Variants in SV2C observed in about 807,000 individuals in gnomAD.
The protein encoded by SV2C is solute carrier family 22 member B3.
Under a neutral mutation model 79.7 loss-of-function variants are expected in SV2C, and 49 were observed. The observed-to-expected ratio is 0.61, with a 90% CI of 0.49 to 0.78. The LOEUF is 0.78. SV2C is among the 30% of genes least tolerant of loss of function. The pLI, the probability that SV2C is intolerant of heterozygous loss-of-function variation, is 0.00. For missense variants in SV2C, 833 were observed against 912.9 expected, an observed-to-expected ratio of 0.91 and a Z score of 1.13; for synonymous variants, 334 against 333.2, an observed-to-expected ratio of 1.00 and a Z score of -0.03.
At chr5:75,871,243 C>CT in the SV2C span, among the ~76,000 whole-genome samples, 1 of 151,950 alleles carries the variant, frequency 6.6e-6, no homozygotes, top group African/African-American at 2.4e-5. Context: ...TGAAATGAGG[C>CT]TTTTTTCAAA....
At chr5:75,941,084 C>A in the SV2C span, among the ~76,000 whole-genome samples, 5 of 152,128 alleles carry the variant, frequency 3.3e-5, no homozygotes, top group African/African-American at 1.2e-4. Flanking sequence ...CAAATTTCTT[C>A]ATGAATGATC....
intron 12 of SV2C, among the ~76,000 whole-genome samples, chr5:76,351,019 A>AT (rs984909105): frequency 3.3e-5 from 5 of 151,810 alleles, no homozygotes; most frequent in Non-Finnish European, 7.4e-5. Flanking sequence ...TCTCAAAAAA[A>AT]AAAAAAAATT....
chr5:75,963,956 T>C, the SV2C span, among the ~76,000 whole-genome samples: 1 of 152,288 alleles, frequency 6.6e-6, no homozygotes, highest in Non-Finnish European at 1.5e-5. Context: ...ATATTTTTAG[T>C]TTTCAGGAAG....
chr5:75,958,945 A>G, the SV2C span, among the ~76,000 whole-genome samples: 1 of 151,958 alleles, frequency 6.6e-6, no homozygotes, highest in Non-Finnish European at 1.5e-5. Context: ...TAGGTGGTCT[A>G]GTAGTTCACT....
chr5:76,226,871 G>T (rs565913013), intron 4 of SV2C, among the ~76,000 whole-genome samples: 1 of 152,318 alleles, frequency 6.6e-6, no homozygotes. Context: ...AGAAAGGCAG[G>T]TGGGATGCCC....
chr5:75,939,365 G>T, the SV2C span, among the ~76,000 whole-genome samples: 1 of 152,032 alleles, frequency 6.6e-6, no homozygotes, highest in Admixed American at 6.6e-5. Flanking sequence ...TGGCAGACAG[G>T]GGAGAGGGAG....
intron 4 of SV2C, among the ~76,000 whole-genome samples, chr5:76,244,248 G>C (rs1257097632): frequency 6.6e-6 from 1 of 152,190 alleles, no homozygotes; most frequent in African/African-American, 2.4e-5. Context: ...AAGTATTTCT[G>C]GTGTGGATTG....
intron 2 of SV2C, among the ~76,000 whole-genome samples, chr5:76,180,850 T>C (rs1179579181): frequency 1.3e-5 from 2 of 152,222 alleles, no homozygotes; most frequent in African/African-American, 4.8e-5. Flanking sequence ...TATTTCCTTG[T>C]CCACACTTTC....
chr5:76,190,072 T>C (rs376597864), intron 2 of SV2C, among the ~76,000 whole-genome samples: 2 of 151,780 alleles, frequency 1.3e-5, no homozygotes, highest in South Asian at 2.1e-4. Context: ...GATGGGTGAG[T>C]GAAAGGAAAA....
the SV2C span, among the ~76,000 whole-genome samples, chr5:76,033,543 A>G: frequency 6.6e-6 from 1 of 152,212 alleles, no homozygotes; most frequent in East Asian, 1.9e-4. Context: ...GGTTTGTCAA[A>G]GATCAGATAG....
At chr5:76,001,608 G>T in the SV2C span, among the ~76,000 whole-genome samples, 1 of 151,642 alleles carries the variant, frequency 6.6e-6, no homozygotes, top group African/African-American at 2.4e-5. Flanking sequence ...AAAATCTTTT[G>T]TCCAGTTCAG....
chr5:76,065,767 C>T, the SV2C span, among the ~76,000 whole-genome samples: 2 of 152,134 alleles, frequency 1.3e-5, no homozygotes. Flanking sequence ...CAAACAGGTA[C>T]ACCATAATAT....
chr5:76,204,533 C>T (rs1744551704), intron 3 of SV2C, among the ~76,000 whole-genome samples: 4 of 152,138 alleles, frequency 2.6e-5, no homozygotes, highest in Admixed American at 2.6e-4. Context: ...AGGTAAAGGG[C>T]TGCTTGACAA....
the SV2C span, among the ~76,000 whole-genome samples, chr5:75,871,165 C>CA: frequency 6.6e-6 from 1 of 152,000 alleles, no homozygotes; most frequent in South Asian, 2.1e-4. Flanking sequence ...TAGATAGATG[C>CA]AAAAAAGACA....
intron 2 of SV2C, among the ~76,000 whole-genome samples, chr5:76,171,792 C>T (rs1283700382): frequency 4.9e-5 from 6 of 123,684 alleles, no homozygotes; most frequent in Non-Finnish European, 7.2e-5. Context: ...CCAGCCGCCC[C>T]GTCCGGGAGG....
At chr5:76,314,468 T>C (rs533139669) in intron 12 of SV2C, among the ~76,000 whole-genome samples, 1 of 149,760 alleles carries the variant, frequency 6.7e-6, no homozygotes, top group South Asian at 2.1e-4. Context: ...AGCACTGATC[T>C]AGGGGTCACT....
chr5:76,001,897 C>T, the SV2C span, among the ~76,000 whole-genome samples: 1 of 152,094 alleles, frequency 6.6e-6, no homozygotes, highest in Non-Finnish European at 1.5e-5. Context: ...GTACACCCGT[C>T]ACCTGAGCAG....
At chr5:76,189,327 G>A (rs1205631187) in intron 2 of SV2C, among the ~76,000 whole-genome samples, 2 of 152,052 alleles carry the variant, frequency 1.3e-5, no homozygotes, top group African/African-American at 4.8e-5. Context: ...GCTGAGTGTG[G>A]TCTTCCCTTG....
chr5:75,884,512 G>T, the SV2C span, among the ~76,000 whole-genome samples: 1 of 152,030 alleles, frequency 6.6e-6, no homozygotes, highest in Non-Finnish European at 1.5e-5. Flanking sequence ...TAACTATTGG[G>T]TATTGTTCAT....
Sources: gnomAD v4.1 joint callset for allele counts (sites outside exome capture counted in the v4.1 genomes callset) on GRCh38, gnomAD v4.1.1 for gene constraint, MANE v1.5 for transcripts, NCBI Gene and HGNC (gene_info 2026-07-23, HGNC 2026-07-21) for gene names.